PADI2: variants seen among roughly 807,000 people sequenced by gnomAD.
PADI2 encodes protein-arginine deiminase type-2.
PADI2 carries 70 observed loss-of-function variants against 81.1 expected under a neutral mutation model. The observed-to-expected ratio is 0.86, with a 90% CI of 0.71 to 1.05. The LOEUF is 1.05. PADI2 is among the 50% of genes least tolerant of loss of function. The pLI, the probability that PADI2 is intolerant of heterozygous loss-of-function variation, is 0.00. For synonymous variants in PADI2, 338 were observed against 358.0 expected (o/e 0.94, Z 0.63); for missense variants, 853 against 889.9 (o/e 0.96, Z 0.53).
At position 17,067,880 on chromosome 1, in the gene PADI2, G is replaced by A. The variant is rs190762551; in HGVS notation, c.*1164C>T. On this transcript the variant is annotated 3_prime_UTR_variant, in exon 16 of 16. Transcript: ENST00000375486. ...TTCTGGCCCTAAAGGAACTTTTAAC[G>A]ATTGAAACTGAGTCTTTTCAGTTGG... 5.9e-5 allele frequency: 9 copies of A among 152,452 alleles called. No homozygotes were observed. The highest frequency in any genetic ancestry group is 2.2e-4 in the African/African-American group (9 of 41,558). 9.4% of individuals were successfully genotyped at this position (152,452 alleles called of 1,614,324 possible).
chr1:17,119,274 G>T lies in PADI2; in HGVS notation c.92+6C>A. The T allele has an allele frequency of 6.6e-7, 1 of 1,521,072 alleles. No individual in the cohort carries two copies. Among genetic ancestry groups the T allele is most frequent in the Non-Finnish European group, 8.8e-7 (1 of 1,131,700 alleles). 94.2% of individuals were successfully genotyped at this position (1,521,072 alleles called of 1,614,324 possible). ...TCGGCCCGGGCATCACGGTGGGCCG[G>T]CTCACCTGTAGACATCGGTCCAGAG... On this transcript the variant is annotated splice_donor_region_variant and intron_variant, in intron 1 of 15. Coordinates refer to ENST00000375486, the MANE Select transcript of PADI2 (RefSeq NM_007365.3). The surrounding 1 kb of genome is among the most constrained non-coding windows in gnomAD (Gnocchi z 4.8).
chr1:17,069,156 C>G lies in PADI2; in HGVS notation c.1886G>C (p.Cys629Ser). Residue 629 changes from cysteine (C) to serine (S), a missense_variant, in exon 16 of 16, where the codon TGC becomes TCC. Transcript: ENST00000375486. The stretch of plus-strand genomic sequence containing the variant: ...GGCAGAAATGTCGTCGATGAAGGTG[C>G]ATTCGAGGCCCAGGGGCTCCAGGAG... ...RGLLEPLGLE[C>S]TFIDDISAYH... 6.2e-7 allele frequency: 1 copy of G among 1,614,224 alleles called. No homozygotes were observed. Among genetic ancestry groups the G allele is most frequent in the African/African-American group, 1.3e-5 (1 of 75,064 alleles).
At chr1:17,109,540 GAGTGC>G (rs1931502438) in intron 1 of PADI2, among the ~76,000 whole-genome samples, 1 of 151,142 alleles carries the variant, frequency 6.6e-6, no homozygotes, top group Non-Finnish European at 1.5e-5. Context: ...ATCCAGGCTG[GAGTGC>G]AGTGGTGCTA....
chr1:17,116,177 G>A (rs987307375), intron 1 of PADI2, among the ~76,000 whole-genome samples: 5 of 152,226 alleles, frequency 3.3e-5, no homozygotes, highest in East Asian at 1.9e-4. Flanking sequence ...CACACAGCCC[G>A]TGGATGGAAG....
In PADI2 at chr1:17,068,787, G is replaced by A. The variant is rs1310844600; in HGVS notation, c.*257C>T. ...GGTTTGCTGTGTTTTGTTGTGTTCT[G>A]TTCCTTATGTCAGGGCTACAGAGAC... On this transcript the variant is annotated 3_prime_UTR_variant, in exon 16 of 16. Coordinates refer to ENST00000375486, the MANE Select transcript of PADI2 (RefSeq NM_007365.3). The A allele has an allele frequency of 7.5e-6, 4 of 535,822 alleles. No individual in the cohort carries two copies. The East Asian group carries it at 1.3e-4, about 17-fold the overall frequency. 33.2% of individuals were successfully genotyped at this position (535,822 alleles called of 1,614,324 possible). A position where few individuals can be genotyped will look rare whatever the true frequency, so the allele number is the denominator to read the frequency against.
In PADI2 at chr1:17,093,589, A is replaced by T. The variant is rs762370406; in HGVS notation, c.507T>A (p.Asp169Glu). 6 of 1,612,422 alleles carry T rather than the reference A, an allele frequency of 3.7e-6. No individual in the cohort carries two copies. Among genetic ancestry groups the T allele is most frequent in the Non-Finnish European group, 5.1e-6 (6 of 1,178,528 alleles). ...TPWLPKEDCR[D>E]EKVYSKEDLK... ...CACCTTCCTTGCTGTAGACCTTCTC[A>T]TCACGGCAGTCCTCCTTGGGCAACC... Residue 169 changes from aspartate (D) to glutamate (E), a missense_variant, in exon 5 of 16, where the codon GAT (aspartate) becomes GAA (glutamate). Asp to Glu is a conservative substitution (Grantham distance 45, BLOSUM62 2). Transcript: ENST00000375486.
chr1:17,079,490 T>G, intron 10 of PADI2, 75 bp from the exon 11 acceptor site: 2 of 1,286,194 alleles, frequency 1.6e-6, no homozygotes, highest in Non-Finnish European at 2.2e-6. Context: ...CACCCTCTTT[T>G]ATCACCTTCA....
intron 1 of PADI2, among the ~76,000 whole-genome samples, chr1:17,106,710 T>G (rs1350727316): frequency 6.6e-6 from 1 of 152,078 alleles, no homozygotes; most frequent in Non-Finnish European, 1.5e-5. Flanking sequence ...CCCAAAGTGC[T>G]GGGATTACAG....
chr1:17,081,724 C>T (rs566331170), intron 10 of PADI2, among the ~76,000 whole-genome samples: 1 of 152,334 alleles, frequency 6.6e-6, no homozygotes, highest in South Asian at 2.1e-4. Context: ...TAACTTCACA[C>T]ACTAGGTTGT....
Position 17,115,164 on chromosome 1 carries a change from G to T in PADI2, c.92+4116C>A, listed in dbSNP as rs565111450. Among the ~76,000 whole-genome samples the T allele has an allele frequency of 6.6e-6, 1 of 152,352 alleles. No homozygotes were observed. Among genetic ancestry groups the T allele is most frequent in the South Asian group, 2.1e-4 (1 of 4,824 alleles). ...GATACCTTCTTCCTATCTTCTGCCAGCGAGTTATGGGCAAATTATTACTAT... is the reference window on the plus strand; with the variant it reads ...GATACCTTCTTCCTATCTTCTGCCATCGAGTTATGGGCAAATTATTACTAT... On this transcript the variant is annotated intron_variant, in intron 1 of 15. Coordinates refer to ENST00000375486, the MANE Select transcript of PADI2 (RefSeq NM_007365.3). This position sits in a 1 kb window ranked among gnomAD's most constrained non-coding sequence, Gnocchi z 4.1.
chr1:17,076,865 C>A (rs936275028), intron 11 of PADI2, among the ~76,000 whole-genome samples: 2 of 152,180 alleles, frequency 1.3e-5, no homozygotes, highest in Admixed American at 6.5e-5. Context: ...GTGTGAGCCA[C>A]CGCTCCCGGC....
rs183511167 is a variant in PADI2, at chr1:17,104,870, C to G, written c.276+8G>C. The G allele has an allele frequency of 1.3e-6, 2 of 1,560,756 alleles. No individual in the cohort carries two copies. The highest frequency in any genetic ancestry group is 2.3e-4 in the Middle Eastern group (1 of 4,390). On this transcript the variant is annotated splice_region_variant and intron_variant, in intron 2 of 15. Coordinates refer to ENST00000375486, the MANE Select transcript of PADI2 (RefSeq NM_007365.3). ...GGCCCGCAGAGGCTGGACTTCCCGC[C>G]GTGGTACCTTGTCACTGCTGGCCTC...
At chr1:17,092,776 C>T (rs554866653) in intron 5 of PADI2, among the ~76,000 whole-genome samples, 1 of 151,148 alleles carries the variant, frequency 6.6e-6, no homozygotes, top group African/African-American at 2.4e-5. Flanking sequence ...TAGCAAGACC[C>T]CATCTTTACA....
Position 17,104,888 on chromosome 1 carries a change from C to T in PADI2, c.266G>A (p.Ser89Asn). 4.4e-6 allele frequency: 7 copies of T among 1,576,084 alleles called. No homozygotes were observed. The highest frequency in any genetic ancestry group is 2.3e-5 in the East Asian group (1 of 44,050). Residue 89 changes from serine to asparagine, a missense_variant, in exon 2 of 16, where the codon AGC (serine) becomes AAC (asparagine). Ser to Asn is a conservative substitution (Grantham distance 46). Coordinates refer to ENST00000375486, the MANE Select transcript of PADI2 (RefSeq NM_007365.3). ...VTMSQASTEA[S>N]SDKVTVNYYD... ...TTCCCGCCGTGGTACCTTGTCACTG[C>T]TGGCCTCGGTGCTCGCCTGGCTCAT...
chr1:17,087,724 C>T (rs1557764099), intron 6 of PADI2, among the ~76,000 whole-genome samples: 1 of 152,044 alleles, frequency 6.6e-6, no homozygotes, highest in Non-Finnish European at 1.5e-5. Context: ...AGGCTGGTCT[C>T]GAACTCCTTG....
At chr1:17,076,071 T>C (rs12138566) in intron 11 of PADI2, among the ~76,000 whole-genome samples, 91,325 of 152,066 alleles carry the variant, frequency 0.6, 27,837 homozygotes, top group Middle Eastern at 0.7. Context: ...CTTCAGCCCT[T>C]GAGGGTGCCA....
chr1:17,107,231 A>G (rs1931412198), intron 1 of PADI2, among the ~76,000 whole-genome samples: 1 of 152,202 alleles, frequency 6.6e-6, no homozygotes, highest in South Asian at 2.1e-4. Flanking sequence ...CTTGGGTTCC[A>G]GGAGTTCTCA....
intron 1 of PADI2, among the ~76,000 whole-genome samples, chr1:17,105,290 T>C (rs938463155): frequency 6.6e-6 from 1 of 152,044 alleles, no homozygotes; most frequent in Admixed American, 6.5e-5. Flanking sequence ...CTTAGGAGAC[T>C]GAGGTGGGAG....
intron 7 of PADI2, among the ~76,000 whole-genome samples, chr1:17,085,801 G>C (rs772741251): frequency 1.3e-5 from 2 of 152,190 alleles, no homozygotes; most frequent in Non-Finnish European, 2.9e-5. Context: ...AAAGTGGCCT[G>C]GGGATAAAAA....
Sources: gnomAD v4.1 joint callset for allele counts (sites outside exome capture counted in the v4.1 genomes callset) on GRCh38, gnomAD v4.1.1 for gene constraint, Gnocchi (gnomAD v3.1) non-coding constraint, MANE v1.5 for transcripts, NCBI Gene and HGNC (gene_info 2026-07-23, HGNC 2026-07-21) for gene names.